Variants in ERO1B observed in about 807,000 individuals in gnomAD.
ERO1B encodes the protein endoplasmic reticulum oxidoreductase 1 beta, also known as ERO1-like protein beta.
A neutral mutation model predicts 75.3 loss-of-function variants in ERO1B; 49 were observed. The observed-to-expected ratio is 0.65, with a 90% CI of 0.52 to 0.83. The LOEUF is 0.83. Among genes scored for constraint, ERO1B ranks in the 40% least tolerant of loss-of-function variants. ERO1B has a pLI of 0.00. For synonymous variants in ERO1B, 191 were observed against 192.9 expected (o/e 0.99, Z 0.08); for missense variants, 512 against 560.1 (o/e 0.91, Z 0.87).
chr1:236,278,703 A>G (rs548109108), intron 1 of ERO1B, among the ~76,000 whole-genome samples: 8 of 152,350 alleles, frequency 5.3e-5, no homozygotes, highest in African/African-American at 1.9e-4. Flanking sequence ...GAAGATTGTT[A>G]TATCACTTGT....
chr1:236,229,983 T>C (rs1438916016), intron 10 of ERO1B, among the ~76,000 whole-genome samples: 2 of 152,214 alleles, frequency 1.3e-5, no homozygotes, highest in African/African-American at 4.8e-5. Context: ...AGGGAACCAG[T>C]TATGAAAACC....
intron 1 of ERO1B, among the ~76,000 whole-genome samples, chr1:236,275,332 T>C (rs1022753030): frequency 6.6e-5 from 10 of 152,198 alleles, no homozygotes; most frequent in Non-Finnish European, 1.3e-4. Context: ...AGCACTTCCA[T>C]TGCAGGTTTG....
chr1:236,281,402 C>T, intron 1 of ERO1B: 1 of 303,418 alleles, frequency 3.3e-6, no homozygotes, highest in Non-Finnish European at 6.0e-6. Flanking sequence ...TTAACACATC[C>T]GAGAGGAAAA....
At chr1:236,232,575 C>A (rs1462048168) in intron 9 of ERO1B, among the ~76,000 whole-genome samples, 1 of 151,786 alleles carries the variant, frequency 6.6e-6, no homozygotes. Flanking sequence ...ATATAATAAC[C>A]AGAAAATGGG....
rs1664524930 is a variant in ERO1B at position 236,235,777 on chromosome 1, T to G, written c.673+12A>C. 6.2e-7 allele frequency: 1 copy of G among 1,605,302 alleles called. No individual in the cohort carries two copies. The highest frequency in any genetic ancestry group is 8.5e-7 in the Non-Finnish European group (1 of 1,176,914). On this transcript the variant is annotated intron_variant, in intron 8 of 15. Coordinates refer to ENST00000354619, the MANE Select transcript of ERO1B (RefSeq NM_019891.4). ...AATGAAAAGCATGAAAATGTACATA[T>G]GAAAAACCTACCTCGGCTAGGCGCC... is the stretch of plus-strand genomic sequence containing the variant.
intron 1 of ERO1B, among the ~76,000 whole-genome samples, chr1:236,276,525 G>C (rs1160062890): frequency 1.3e-5 from 2 of 152,144 alleles, no homozygotes; most frequent in Non-Finnish European, 2.9e-5. Flanking sequence ...TTCAAGGAGA[G>C]TGAGTGATGA....
At chr1:236,266,505 G>A (rs893211849) in intron 2 of ERO1B, among the ~76,000 whole-genome samples, 2 of 151,996 alleles carry the variant, frequency 1.3e-5, no homozygotes, top group African/African-American at 4.8e-5. Context: ...TCAGGAGGCT[G>A]AGGCAGGAGA....
intron 14 of ERO1B, 90 bp from the exon 15 acceptor site, chr1:236,221,055 A>C: frequency 2.0e-6 from 2 of 1,004,732 alleles, no homozygotes; most frequent in Non-Finnish European, 1.3e-6. Flanking sequence ...CTGTTATGCC[A>C]GTTAGGAAAT....
intron 10 of ERO1B, among the ~76,000 whole-genome samples, chr1:236,228,582 CTTCTT>C (rs1664330021): frequency 1.3e-5 from 2 of 152,220 alleles, no homozygotes; most frequent in African/African-American, 2.4e-5. Flanking sequence ...AAATGGTTCT[CTTCTT>C]CCTCTTTTCG....
intron 6 of ERO1B, 45 bp downstream of exon 6, chr1:236,243,377 G>C: frequency 7.9e-7 from 1 of 1,266,586 alleles, no homozygotes; most frequent in South Asian, 1.5e-5. Flanking sequence ...TCTTATAAAA[G>C]GGTTAAAGTT....
intron 2 of ERO1B, among the ~76,000 whole-genome samples, chr1:236,260,314 A>C (rs576364211): frequency 2.6e-5 from 4 of 152,308 alleles, no homozygotes; most frequent in Admixed American, 6.5e-5. Flanking sequence ...TGAAAATCTG[A>C]ATAGGCCAAT....
chr1:236,251,591 A>G (rs1572054298), intron 4 of ERO1B, among the ~76,000 whole-genome samples: 1 of 152,154 alleles, frequency 6.6e-6, no homozygotes, highest in South Asian at 2.1e-4. Flanking sequence ...CGGTTCTCTA[A>G]AAACATATCA....
intron 1 of ERO1B, among the ~76,000 whole-genome samples, chr1:236,279,332 A>T (rs1665771841): frequency 6.7e-6 from 1 of 148,180 alleles, no homozygotes; most frequent in African/African-American, 2.5e-5. Context: ...GTGAAACCTC[A>T]TCTCTACTAA....
chr1:236,259,831 A>G (rs1345155489), intron 2 of ERO1B, among the ~76,000 whole-genome samples: 1 of 152,180 alleles, frequency 6.6e-6, no homozygotes, highest in Non-Finnish European at 1.5e-5. Flanking sequence ...GACAGAAAAA[A>G]AAAAATCAAT....
intron 2 of ERO1B, among the ~76,000 whole-genome samples, chr1:236,261,536 A>T (rs1665294607): frequency 6.6e-6 from 1 of 152,206 alleles, no homozygotes; most frequent in Non-Finnish European, 1.5e-5. Context: ...AAATTGAGAG[A>T]TCATATTTAC....
intron 14 of ERO1B, 53 bp from the exon 15 acceptor site, chr1:236,221,018 A>G (rs995546874): frequency 1.3e-5 from 17 of 1,334,458 alleles, no homozygotes; most frequent in Admixed American, 3.0e-5. Context: ...AATAACTAGT[A>G]AAAAGGCTTA....
intron 1 of ERO1B, 124 bp from the exon 2 acceptor site, chr1:236,270,118 C>T (rs1369600768): frequency 3.0e-6 from 2 of 658,706 alleles, no homozygotes; most frequent in Non-Finnish European, 4.9e-6. Context: ...TAAGATATAA[C>T]ATTAAAGCAG....
At chr1:236,219,330 T>C (rs1481821585) in intron 15 of ERO1B, among the ~76,000 whole-genome samples, 2 of 152,094 alleles carry the variant, frequency 1.3e-5, no homozygotes, top group Non-Finnish European at 2.9e-5. Flanking sequence ...TTCCAGAACT[T>C]TAGGACCCCT....
chr1:236,265,113 G>A (rs1665405374), intron 2 of ERO1B, among the ~76,000 whole-genome samples: 2 of 150,962 alleles, frequency 1.3e-5, no homozygotes, highest in Admixed American at 1.3e-4. Context: ...TGACTGTGCT[G>A]GGTAGTATAT....
Sources: allele counts gnomAD v4.1 joint callset (sites outside exome capture counted in the v4.1 genomes callset), GRCh38; gene constraint gnomAD v4.1.1; transcripts MANE v1.5; gene names NCBI Gene and HGNC (gene_info 2026-07-23, HGNC 2026-07-21).